Variants in PROX1 observed in about 807,000 individuals in gnomAD.
The protein encoded by PROX1 is prospero homeobox 1.
A neutral mutation model predicts 58.8 loss-of-function variants in PROX1; 7 were observed. The observed-to-expected ratio is 0.12, with a 90% CI of 0.07 to 0.22. The LOEUF (loss-of-function observed/expected upper bound fraction) is 0.22. Ranked by LOEUF, PROX1 falls within the 10% of genes least tolerant of loss-of-function variation. The probability of loss-of-function intolerance (pLI) is 1.00; values close to 1 mark genes in which losing one functional copy is unlikely to be tolerated. For missense variants in PROX1, 675 were observed against 927.8 expected, an observed-to-expected ratio of 0.73 and a Z score of 3.54; for synonymous variants, 350 against 358.3, an observed-to-expected ratio of 0.98 and a Z score of 0.26.
At chr1:214,010,884 G>A (rs1011440441) in intron 3 of PROX1, among the ~76,000 whole-genome samples, 3 of 152,188 alleles carry the variant, frequency 2.0e-5, no homozygotes, top group Non-Finnish European at 4.4e-5. Context: ...CAGGAAGCAG[G>A]TGAACAGGCA....
chr1:213,998,994 T>C (rs1015172059), intron 2 of PROX1, among the ~76,000 whole-genome samples: 4 of 152,230 alleles, frequency 2.6e-5, no homozygotes, highest in African/African-American at 9.6e-5. Flanking sequence ...GATTAACCTC[T>C]GTTCAGCCAT....
Position 213,998,048 on chromosome 1 carries a change from T to C in PROX1, c.1513T>C (p.Ser505Pro), listed in dbSNP as rs758925859. 1.6e-5 allele frequency: 26 copies of C among 1,612,186 alleles called. No individual in the cohort carries two copies. Among genetic ancestry groups the C allele is most frequent in the Non-Finnish European group, 2.2e-5 (26 of 1,178,972 alleles). The stretch of plus-strand genomic sequence containing the variant: ...ATTAGGTGCTCCCTCCGGCTCCTTC[T>C]CTGGAAAAGACAGAGCCTCTCCTGA... ...SPLGAPSGSF[S>P]GKDRASPESL... The change falls in exon 2 of 5, where the codon TCT (serine) becomes CCT (proline). Residue 505 changes from serine to proline, a missense_variant. Transcript: ENST00000366958.
Position 214,035,849 on chromosome 1 carries a change from CTT to C in PROX1, c.*19_*20del. On this transcript the variant is annotated 3_prime_UTR_variant, in exon 5 of 5. Coordinates refer to ENST00000366958, the MANE Select transcript of PROX1 (RefSeq NM_001270616.2). The stretch of plus-strand genomic sequence containing the variant: ...TTCATGAGTAGAAATTTCAACAACT[CTT>C]TTTGAATGTATGAAGAGTAGCAGTC... 6.2e-7 allele frequency: 1 copy of C among 1,600,976 alleles called. No individual in the cohort carries two copies.
At chr1:214,014,496 C>T (rs186827587) in intron 4 of PROX1, among the ~76,000 whole-genome samples, 3 of 152,300 alleles carry the variant, frequency 2.0e-5, no homozygotes, top group Middle Eastern at 3.4e-3. Context: ...ATTGTATTCC[C>T]AGACTTCTCA....
upstream of PROX1, chr1:213,984,877 T>C (rs1423416659): frequency 6.6e-6 from 1 of 152,322 alleles, no homozygotes; most frequent in Non-Finnish European, 1.5e-5. Context: ...CTGATAACAG[T>C]TGTTTGTAAG....
intron 4 of PROX1, among the ~76,000 whole-genome samples, chr1:214,016,298 T>C (rs1285617803): frequency 1.3e-5 from 2 of 152,152 alleles, no homozygotes; most frequent in Non-Finnish European, 2.9e-5. Flanking sequence ...CCACTTTCAA[T>C]AGAACCCACA....
chr1:213,993,431 A>T (rs1418588924), intron 1 of PROX1, among the ~76,000 whole-genome samples: 2 of 152,226 alleles, frequency 1.3e-5, no homozygotes, highest in Admixed American at 6.5e-5. Context: ...AAAAAATATC[A>T]ATGATAAAGT....
chr1:213,994,375 G>A (rs991501805), intron 1 of PROX1, among the ~76,000 whole-genome samples: 3 of 152,020 alleles, frequency 2.0e-5, no homozygotes, highest in African/African-American at 7.2e-5. Context: ...AAAAATAAGG[G>A]CAATAAGCTC....
chr1:213,991,576 G>T (rs2102681895), intron 1 of PROX1, among the ~76,000 whole-genome samples: 1 of 152,236 alleles, frequency 6.6e-6, no homozygotes, highest in African/African-American at 2.4e-5. Flanking sequence ...CCATTATGCA[G>T]AATTCTATTT....
intron 1 of PROX1, among the ~76,000 whole-genome samples, chr1:213,990,883 A>G (rs1222105847): frequency 6.6e-6 from 1 of 152,192 alleles, no homozygotes; most frequent in East Asian, 1.9e-4. Context: ...ATAATCTCAT[A>G]AAGTAGAATG....
intron 1 of PROX1, among the ~76,000 whole-genome samples, chr1:213,994,721 G>A (rs1473349120): frequency 7.9e-6 from 1 of 125,858 alleles, no homozygotes; most frequent in East Asian, 2.7e-4. Flanking sequence ...CCTGAAGCAT[G>A]CAAAAAGTAT....
At chr1:214,030,600 C>A (rs1239451767) in intron 4 of PROX1, 1 of 152,250 alleles carries the variant, frequency 6.6e-6, no homozygotes, top group Non-Finnish European at 1.5e-5. Context: ...GGTTTAGGTC[C>A]CCCGCAAGAG....
intron 4 of PROX1, among the ~76,000 whole-genome samples, chr1:214,016,084 GT>G (rs2102741717): frequency 6.6e-6 from 1 of 152,302 alleles, no homozygotes; most frequent in African/African-American, 2.4e-5. Flanking sequence ...CTTAGAGACT[GT>G]GGGTTTGACA....
rs1664875398 is a variant in PROX1, at chr1:214,037,736, AT to A, written c.*1904del. The A allele has an allele frequency of 3.9e-5, 6 of 152,234 alleles. No homozygotes were observed. The highest frequency in any genetic ancestry group is 1.5e-5 in the Non-Finnish European group (1 of 68,038). The allele number at this position is 152,234 out of a possible 1,614,324, so 9.4% of individuals were successfully genotyped here. ...TCACACTCTACTAATGCACAGAGTC[AT>A]TAGATCCAATTTGTTATTTTTCTCA... On this transcript the variant is annotated 3_prime_UTR_variant, in exon 5 of 5. Coordinates refer to ENST00000366958, the MANE Select transcript of PROX1 (RefSeq NM_001270616.2).
intron 2 of PROX1, among the ~76,000 whole-genome samples, chr1:214,002,553 G>A (rs1291531976): frequency 6.6e-6 from 1 of 151,816 alleles, no homozygotes; most frequent in African/African-American, 2.4e-5. Context: ...ATGAGCTGCT[G>A]GGACAGATCT....
At chr1:213,993,520 T>C (rs577655408) in intron 1 of PROX1, among the ~76,000 whole-genome samples, 5 of 152,324 alleles carry the variant, frequency 3.3e-5, no homozygotes, top group Middle Eastern at 3.4e-3. Flanking sequence ...ATTTAATTTA[T>C]ATTATGGTAA....
chr1:214,007,449 T>C (rs1663756523), intron 3 of PROX1, among the ~76,000 whole-genome samples: 1 of 152,236 alleles, frequency 6.6e-6, no homozygotes. Context: ...TATACATTTT[T>C]AACTTTCCTA....
chr1:213,986,400 G>C (rs992279290), upstream of PROX1: 1 of 152,156 alleles, frequency 6.6e-6, no homozygotes, highest in African/African-American at 2.4e-5. Flanking sequence ...TTCCTGCCGG[G>C]ATAGACTCGG....
intron 4 of PROX1, chr1:214,030,437 G>A (rs149309672): frequency 1.3e-5 from 2 of 152,416 alleles, no homozygotes; most frequent in East Asian, 3.9e-4. Flanking sequence ...TTACGGGTTG[G>A]GGGGTGGGTG....
Sources: allele counts gnomAD v4.1 joint callset (sites outside exome capture counted in the v4.1 genomes callset), GRCh38; gene constraint gnomAD v4.1.1; transcripts MANE v1.5; gene names NCBI Gene and HGNC (gene_info 2026-07-23, HGNC 2026-07-21).